LDLRAD3: variants seen among roughly 807,000 people sequenced by gnomAD.
The protein encoded by LDLRAD3 is low density lipoprotein receptor class A domain containing 3.
A neutral mutation model predicts 29.4 loss-of-function variants in LDLRAD3; 20 were observed. The observed-to-expected ratio is 0.68, with a 90% CI of 0.48 to 0.99. The LOEUF (loss-of-function observed/expected upper bound fraction) is 0.99. Ranked by LOEUF, LDLRAD3 falls within the 50% of genes least tolerant of loss-of-function variation. The pLI is 0.00. For missense variants in LDLRAD3, 420 were observed against 454.3 expected (o/e 0.92, Z 0.69); for synonymous variants, 157 against 192.7 (o/e 0.81, Z 1.53).
chr11:36,053,842 C>T (rs1037046680), intron 2 of LDLRAD3, among the ~76,000 whole-genome samples: 1 of 152,146 alleles, frequency 6.6e-6, no homozygotes, highest in Non-Finnish European at 1.5e-5. Flanking sequence ...TGTATGAGCA[C>T]CTCCAAGAAG....
intron 4 of LDLRAD3, among the ~76,000 whole-genome samples, chr11:36,165,079 C>G (rs1854495328): frequency 6.6e-6 from 1 of 152,208 alleles, no homozygotes; most frequent in African/African-American, 2.4e-5. Flanking sequence ...TATTTCCTCC[C>G]ATATCCTTTT....
intron 1 of LDLRAD3, among the ~76,000 whole-genome samples, chr11:35,993,437 C>T (rs7931245): frequency 6.6e-6 from 1 of 151,932 alleles, no homozygotes; most frequent in Non-Finnish European, 1.5e-5. Context: ...GCTATTTTCT[C>T]AGGACTGTAG....
chr11:36,055,631 A>C (rs2133228224), intron 2 of LDLRAD3, among the ~76,000 whole-genome samples: 1 of 152,310 alleles, frequency 6.6e-6, no homozygotes, highest in East Asian at 1.9e-4. Flanking sequence ...GTGCAGCCAC[A>C]GTGCCCGTGT....
intron 1 of LDLRAD3, among the ~76,000 whole-genome samples, chr11:35,957,175 GTTTA>G (rs1336048615): frequency 1.3e-5 from 2 of 152,170 alleles, no homozygotes; most frequent in African/African-American, 2.4e-5. Flanking sequence ...TAACACATTG[GTTTA>G]TTTATTTATA....
intron 1 of LDLRAD3, among the ~76,000 whole-genome samples, chr11:36,011,566 C>CCTTTTAATA (rs35607815): frequency 0.86 from 130,793 of 151,798 alleles, 57,784 homozygotes; most frequent in East Asian, 0.98. Context: ...AGTTCTGCTA[C>CCTTTTAATA]CTCAATAATA....
At chr11:36,028,570 A>G (rs1160905622) in intron 1 of LDLRAD3, among the ~76,000 whole-genome samples, 1 of 152,146 alleles carries the variant, frequency 6.6e-6, no homozygotes, top group Non-Finnish European at 1.5e-5. Flanking sequence ...AATGGTTGGG[A>G]AAAAAATCAG....
At chr11:36,092,315 T>A (rs1174905956) in intron 3 of LDLRAD3, among the ~76,000 whole-genome samples, 3 of 152,220 alleles carry the variant, frequency 2.0e-5, no homozygotes, top group Non-Finnish European at 1.5e-5. Context: ...CTTTATTTTT[T>A]AAATTTATGC....
intron 4 of LDLRAD3, among the ~76,000 whole-genome samples, chr11:36,108,752 T>G (rs1478759988): frequency 2.6e-5 from 4 of 152,066 alleles, no homozygotes; most frequent in African/African-American, 9.7e-5. Flanking sequence ...GTGGCTGCCC[T>G]GGGGTGGATG....
intron 1 of LDLRAD3, among the ~76,000 whole-genome samples, chr11:35,948,126 G>C (rs12575741): frequency 0.044 from 6,629 of 152,086 alleles, 237 homozygotes; most frequent in Admixed American, 0.11. Context: ...AGTTACATGG[G>C]GGTTCGTTTT....
At chr11:36,131,336 C>T (rs1484221983) in intron 4 of LDLRAD3, among the ~76,000 whole-genome samples, 1 of 152,202 alleles carries the variant, frequency 6.6e-6, no homozygotes, top group South Asian at 2.1e-4. Flanking sequence ...TGAGAATAAC[C>T]TGCTTCGGAG....
intron 4 of LDLRAD3, among the ~76,000 whole-genome samples, chr11:36,133,273 C>G (rs2133307919): frequency 6.6e-6 from 1 of 151,462 alleles, no homozygotes; most frequent in South Asian, 2.1e-4. Context: ...TGGGCTCAAG[C>G]AGTCCTCCTG....
intron 2 of LDLRAD3, among the ~76,000 whole-genome samples, chr11:36,055,420 T>C (rs1200825275): frequency 6.6e-6 from 1 of 152,098 alleles, no homozygotes; most frequent in Non-Finnish European, 1.5e-5. Context: ...ATCCAGATAT[T>C]TTGCTTGGAT....
intron 1 of LDLRAD3, among the ~76,000 whole-genome samples, chr11:35,970,461 CT>C (rs1324165778): frequency 6.6e-6 from 1 of 152,174 alleles, no homozygotes; most frequent in Non-Finnish European, 1.5e-5. Context: ...GGATTCTGCC[CT>C]GGAGTTTTCA....
At chr11:36,000,689 TG>T (rs1381185505) in intron 1 of LDLRAD3, among the ~76,000 whole-genome samples, 3 of 152,008 alleles carry the variant, frequency 2.0e-5, no homozygotes, top group Non-Finnish European at 4.4e-5. Flanking sequence ...TCCTGGATGA[TG>T]AAAGTAGGAA....
At position 35,944,067 on chromosome 11, in the gene LDLRAD3, C is replaced by G; in HGVS notation, c.-32C>G. On this transcript the variant is annotated 5_prime_UTR_variant, in exon 1 of 6. Transcript: ENST00000315571. This position sits in a 1 kb window ranked among gnomAD's most constrained non-coding sequence, Gnocchi z 4.9. ...AGCGCCGAGGCCGCGGGGGCAGCAA[C>G]GACGCCGGGCAGCGGGAGCGGCGGC... The G allele has an allele frequency of 2.8e-6, 3 of 1,075,712 alleles. No homozygotes were observed. Among genetic ancestry groups the G allele is most frequent in the Non-Finnish European group, 3.4e-6 (3 of 888,594 alleles). 66.6% of individuals were successfully genotyped at this position (1,075,712 alleles called of 1,614,324 possible). A position where few individuals can be genotyped will look rare whatever the true frequency, so the allele number is the denominator to read the frequency against.
intron 3 of LDLRAD3, among the ~76,000 whole-genome samples, chr11:36,087,355 C>T (rs118080683): frequency 0.017 from 2,558 of 152,092 alleles, 30 homozygotes; most frequent in Admixed American, 0.025. Context: ...TTTTTAAAGT[C>T]CTTATCTTTT....
At chr11:36,126,432 G>A (rs77909832) in intron 4 of LDLRAD3, among the ~76,000 whole-genome samples, 3,393 of 152,150 alleles carry the variant, frequency 0.022, 122 homozygotes, top group African/African-American at 0.078. Flanking sequence ...TCTCTTATTG[G>A]AGAGAGTAAG....
At chr11:36,107,938 G>A (rs1853552325) in intron 4 of LDLRAD3, among the ~76,000 whole-genome samples, 1 of 152,174 alleles carries the variant, frequency 6.6e-6, no homozygotes, top group Non-Finnish European at 1.5e-5. Context: ...GCCATCTATT[G>A]TAAGAGCTAT....
rs992751515 is a variant in LDLRAD3 at position 36,213,542 on chromosome 11, T to C, written c.455-13543T>C. Among the ~76,000 whole-genome samples the C allele has an allele frequency of 3.3e-5, 5 of 152,214 alleles. No individual in the cohort carries two copies. The highest frequency in any genetic ancestry group is 1.2e-4 in the African/African-American group (5 of 41,458). ...ATGTGGGGATGCCCTTGGTTTACAG[T>C]GGCCCAGACAATCCCTTGATGCTTC... On this transcript the variant is annotated intron_variant, in intron 4 of 5. Coordinates refer to ENST00000315571, the MANE Select transcript of LDLRAD3 (RefSeq NM_174902.4). The surrounding 1 kb of genome is among the most constrained non-coding windows in gnomAD (Gnocchi z 4.1).
Sources: gnomAD v4.1 joint callset for allele counts (sites outside exome capture counted in the v4.1 genomes callset) on GRCh38, gnomAD v4.1.1 for gene constraint, Gnocchi (gnomAD v3.1) non-coding constraint, MANE v1.5 for transcripts, NCBI Gene and HGNC (gene_info 2026-07-23, HGNC 2026-07-21) for gene names.